TMTC1: variants seen among roughly 807,000 people sequenced by gnomAD.
The protein encoded by TMTC1 is transmembrane O-mannosyltransferase targeting cadherins 1.
TMTC1 carries 73 observed loss-of-function variants against 104.8 expected under a neutral mutation model. The observed-to-expected ratio is 0.70, with a 90% CI of 0.58 to 0.85. The LOEUF (loss-of-function observed/expected upper bound fraction) is 0.85, where lower values mean the gene tolerates loss of function less well. Among genes scored for constraint, TMTC1 ranks in the 40% least tolerant of loss-of-function variants. The pLI is 0.00. For missense variants in TMTC1, 1,035 were observed against 1,096.1 expected (o/e 0.94, Z 0.79); for synonymous variants, 434 against 428.7 (o/e 1.01, Z -0.15).
intron 5 of TMTC1, among the ~76,000 whole-genome samples, chr12:29,751,107 T>C (rs976424491): frequency 6.6e-6 from 1 of 152,216 alleles, no homozygotes; most frequent in East Asian, 1.9e-4. Context: ...GCCTGAAACA[T>C]TTTAGAGACA....
intron 5 of TMTC1, among the ~76,000 whole-genome samples, chr12:29,643,711 A>ATAATATAAATATATATAT (rs1939049259): frequency 7.2e-3 from 1 of 138 alleles, no homozygotes; most frequent in African/African-American, 7.4e-3. Context: ...TATATATTAT[A>ATAATATAAATATATATAT]TATATAATAT....
At chr12:29,566,326 G>A (rs1436978868) in intron 9 of TMTC1, among the ~76,000 whole-genome samples, 1 of 152,196 alleles carries the variant, frequency 6.6e-6, no homozygotes, top group Admixed American at 6.5e-5. Flanking sequence ...AGAATAGCAG[G>A]AGGTGTGTCA....
Position 29,783,351 on chromosome 12 carries a change from A to G in TMTC1, c.302+99T>C. The G allele has an allele frequency of 2.7e-6, 3 of 1,111,560 alleles. No individual in the cohort carries two copies. Among genetic ancestry groups the G allele is most frequent in the South Asian group, 7.8e-5 (2 of 25,686 alleles). The allele number at this position is 1,111,560 out of a possible 1,614,324, so 68.9% of individuals were successfully genotyped here. A position where few individuals can be genotyped will look rare whatever the true frequency, so the allele number is the denominator to read the frequency against. Reference sequence around the variant, plus strand: ...GGCGTGGAGGGAAAGGGCGGCAAAAATGAAATGCCCCCAAGTCAGTCCCGC... The same window carrying G: ...GGCGTGGAGGGAAAGGGCGGCAAAAGTGAAATGCCCCCAAGTCAGTCCCGC... On this transcript the variant is annotated intron_variant, in intron 1 of 17. Transcript: ENST00000539277. The surrounding 1 kb of genome is among the most constrained non-coding windows in gnomAD (Gnocchi z 4.7).
chr12:29,507,791 C>T (rs924171612), intron 17 of TMTC1, among the ~76,000 whole-genome samples: 27 of 152,126 alleles, frequency 1.8e-4, no homozygotes, highest in African/African-American at 1.4e-4. Context: ...CTCCCTTATT[C>T]GTTCCACCCT....
intron 10 of TMTC1, among the ~76,000 whole-genome samples, chr12:29,541,367 T>C (rs1333118069): frequency 6.6e-6 from 1 of 152,216 alleles, no homozygotes; most frequent in Non-Finnish European, 1.5e-5. Context: ...ATCTACCACT[T>C]ACTAGCTGTG....
chr12:29,531,226 T>C (rs536886203), intron 11 of TMTC1, among the ~76,000 whole-genome samples: 1 of 152,162 alleles, frequency 6.6e-6, no homozygotes, highest in African/African-American at 2.4e-5. Context: ...ATTCTTAAGT[T>C]AGGGTCTTCG....
intron 5 of TMTC1, among the ~76,000 whole-genome samples, chr12:29,748,872 T>C (rs1943020564): frequency 6.6e-6 from 1 of 152,222 alleles, no homozygotes; most frequent in South Asian, 2.1e-4. Context: ...AAATATGTCA[T>C]ATTTTAAACA....
At chr12:29,706,610 G>A (rs1941751507) in intron 5 of TMTC1, among the ~76,000 whole-genome samples, 1 of 152,134 alleles carries the variant, frequency 6.6e-6, no homozygotes, top group Non-Finnish European at 1.5e-5. Context: ...TATTTTAACA[G>A]GGTTTGGTGC....
intron 5 of TMTC1, chr12:29,666,378 T>C (rs1940287329): frequency 3.0e-6 from 1 of 336,084 alleles, no homozygotes; most frequent in South Asian, 2.3e-5. Flanking sequence ...CCACCATGCC[T>C]GGCTAATTTT....
rs984635784 is a variant in TMTC1 at position 29,511,895 on chromosome 12, A to G, written c.2508+148T>C. On this transcript the variant is annotated intron_variant, in intron 17 of 17. Transcript: ENST00000539277. Reference sequence around the variant, plus strand: ...ATGCAAAATGAACATAAACTGAGCTATTTCACTTTTAAACTGCCATACTTT... The same window carrying G: ...ATGCAAAATGAACATAAACTGAGCTGTTTCACTTTTAAACTGCCATACTTT... 5 of 787,778 alleles carry G rather than the reference A, an allele frequency of 6.3e-6. No homozygotes were observed. In the Admixed American group the frequency reaches 9.1e-5, roughly 14 times the overall value. The allele number at this position is 787,778 out of a possible 1,614,324, so 48.8% of individuals were successfully genotyped here.
In TMTC1 at chr12:29,783,871, G is replaced by C; in HGVS notation, c.-120C>G. 2.1e-6 allele frequency: 2 copies of C among 964,082 alleles called. No individual in the cohort carries two copies. The highest frequency in any genetic ancestry group is 2.5e-6 in the Non-Finnish European group (2 of 795,796). 59.7% of individuals were successfully genotyped at this position (964,082 alleles called of 1,614,324 possible). A position where few individuals can be genotyped will look rare whatever the true frequency, so the allele number is the denominator to read the frequency against. On this transcript the variant is annotated 5_prime_UTR_variant, in exon 1 of 18. Coordinates refer to ENST00000539277, the MANE Select transcript of TMTC1 (RefSeq NM_001193451.2). This position sits in a 1 kb window ranked among gnomAD's most constrained non-coding sequence, Gnocchi z 4.7. ...GGGGCTCGGGCATGGTGCTGCGGCAGCTGGACCCGCCGCGAGCTCCCCGCG... is the reference window on the plus strand; with the variant it reads ...GGGGCTCGGGCATGGTGCTGCGGCACCTGGACCCGCCGCGAGCTCCCCGCG...
At chr12:29,740,768 G>A (rs947201969) in intron 5 of TMTC1, among the ~76,000 whole-genome samples, 1 of 151,916 alleles carries the variant, frequency 6.6e-6, no homozygotes, top group South Asian at 2.1e-4. Flanking sequence ...CACTATGCCC[G>A]GCCCAAGTCA....
chr12:29,692,971 A>T (rs1489393177), intron 5 of TMTC1, among the ~76,000 whole-genome samples: 1 of 145,012 alleles, frequency 6.9e-6, no homozygotes, highest in African/African-American at 2.5e-5. Context: ...CAGATGAGTG[A>T]TTGCCTGGGG....
Position 29,524,997 on chromosome 12 carries a change from T to C in TMTC1, c.1786-4277A>G, listed in dbSNP as rs1236311351. 2.6e-5 allele frequency among the ~76,000 whole-genome samples: 4 copies of C among 152,162 alleles called. No homozygotes were observed. The East Asian group carries it at 7.7e-4, about 29-fold the overall frequency. On this transcript the variant is annotated intron_variant, in intron 11 of 17. Transcript: ENST00000539277. ...TTGGGAAAGCTGTCCATGTCTAGGA[T>C]GCCATTTGTTTTGGGGAGAAACTTT...
At chr12:29,716,782 G>A (rs1202774225) in intron 5 of TMTC1, among the ~76,000 whole-genome samples, 2 of 152,170 alleles carry the variant, frequency 1.3e-5, no homozygotes, top group Non-Finnish European at 2.9e-5. Context: ...TTGGGAAGCC[G>A]AGGCAGGCAG....
chr12:29,547,537 C>T (rs1429968012), intron 10 of TMTC1, among the ~76,000 whole-genome samples: 2 of 152,132 alleles, frequency 1.3e-5, no homozygotes, highest in South Asian at 2.1e-4. Flanking sequence ...AGCCACTGAC[C>T]ATGAAATGAT....
chr12:29,697,189 C>T (rs1386278685), intron 5 of TMTC1, among the ~76,000 whole-genome samples: 2 of 152,330 alleles, frequency 1.3e-5, no homozygotes, highest in East Asian at 1.9e-4. Context: ...TAGACCTAGT[C>T]TGAATACAGG....
At chr12:29,659,857 T>C (rs1001323001) in intron 5 of TMTC1, 18 of 1,496,916 alleles carry the variant, frequency 1.2e-5, no homozygotes, top group Non-Finnish European at 1.5e-5. Context: ...ATACCAAGTT[T>C]TAAAAAAATT....
intron 5 of TMTC1, among the ~76,000 whole-genome samples, chr12:29,651,836 C>T (rs576947853): frequency 6.8e-6 from 1 of 147,226 alleles, no homozygotes; most frequent in Admixed American, 6.8e-5. Context: ...AAAGGAGGAA[C>T]AGAAAATGAA....
Sources: allele counts gnomAD v4.1 joint callset (sites outside exome capture counted in the v4.1 genomes callset), GRCh38; gene constraint gnomAD v4.1.1; non-coding constraint Gnocchi (gnomAD v3.1); transcripts MANE v1.5; gene names NCBI Gene and HGNC (gene_info 2026-07-23, HGNC 2026-07-21).